Variants in ABCA13 observed in about 807,000 individuals in gnomAD.
ABCA13 encodes ATP-binding cassette sub-family A member 13.
ABCA13 carries 476 observed loss-of-function variants against 478.7 expected under a neutral mutation model. The observed-to-expected ratio is 0.99, with a 90% CI of 0.92 to 1.07. The LOEUF (loss-of-function observed/expected upper bound fraction) is 1.07, where lower values mean the gene tolerates loss of function less well. Among genes scored for constraint, ABCA13 ranks in the 50% least tolerant of loss-of-function variants. The pLI, the probability that ABCA13 is intolerant of heterozygous loss-of-function variation, is 0.00. For synonymous variants in ABCA13, 2,252 were observed against 2,158.9 expected (o/e 1.04, Z -1.20); for missense variants, 6,060 against 5,910.6 (o/e 1.03, Z -0.83).
chr7:48,557,633 T>A (rs972000561), intron 55 of ABCA13, among the ~76,000 whole-genome samples: 1 of 152,208 alleles, frequency 6.6e-6, no homozygotes, highest in Admixed American at 6.5e-5. Flanking sequence ...CCTTTTTTTA[T>A]TCTTGACCTT....
chr7:48,172,896 C>T (rs187475089), intron 1 of ABCA13, among the ~76,000 whole-genome samples: 6 of 142,688 alleles, frequency 4.2e-5, no homozygotes, highest in Middle Eastern at 4.1e-3. Context: ...GTGTTCGTGT[C>T]TGTGTAGGTA....
intron 2 of ABCA13, among the ~76,000 whole-genome samples, chr7:48,197,959 T>C (rs1214220483): frequency 6.6e-6 from 1 of 152,152 alleles, no homozygotes; most frequent in Non-Finnish European, 1.5e-5. Context: ...TTATTTCCAC[T>C]CAGTGAATGG....
chr7:48,214,616 T>A (rs1211112624), intron 3 of ABCA13, among the ~76,000 whole-genome samples: 1 of 152,214 alleles, frequency 6.6e-6, no homozygotes, highest in African/African-American at 2.4e-5. Flanking sequence ...ATATCAATGC[T>A]TACATCTTCA....
intron 27 of ABCA13, among the ~76,000 whole-genome samples, chr7:48,321,244 C>T (rs143109903): frequency 2.6e-5 from 4 of 152,272 alleles, no homozygotes; most frequent in Non-Finnish European, 5.9e-5. Flanking sequence ...ACAGGAAAGC[C>T]CCCACCCCCA....
intron 15 of ABCA13, among the ~76,000 whole-genome samples, chr7:48,251,659 A>G (rs767097011): frequency 3.0e-4 from 45 of 151,990 alleles, no homozygotes; most frequent in Non-Finnish European, 5.9e-4. Flanking sequence ...AAATATTTTT[A>G]CTAAATATGT....
chr7:48,609,254 C>T (rs1181411348), intron 58 of ABCA13, among the ~76,000 whole-genome samples: 4 of 152,106 alleles, frequency 2.6e-5, no homozygotes, highest in Non-Finnish European at 5.9e-5. Flanking sequence ...AGAAAGACTG[C>T]ATATCATTGC....
chr7:48,310,467 G>C (rs1372479826), intron 24 of ABCA13, among the ~76,000 whole-genome samples: 1 of 152,152 alleles, frequency 6.6e-6, no homozygotes, highest in Non-Finnish European at 1.5e-5. Context: ...CCTAATGCCA[G>C]GTGTTCTCTC....
At chr7:48,459,826 A>C (rs780207377) in intron 43 of ABCA13, among the ~76,000 whole-genome samples, 9 of 152,236 alleles carry the variant, frequency 5.9e-5, no homozygotes, top group Non-Finnish European at 1.3e-4. Context: ...AATGGAGCAT[A>C]GAAAGACAGC....
intron 43 of ABCA13, among the ~76,000 whole-genome samples, 189 bp downstream of exon 43, chr7:48,455,475 C>A (rs1357157588): frequency 6.6e-6 from 1 of 152,166 alleles, no homozygotes; most frequent in Admixed American, 6.5e-5. Context: ...TCAGGGCAGG[C>A]GCTTAAGGCT....
At chr7:48,419,670 T>A (rs111957394) in intron 41 of ABCA13, among the ~76,000 whole-genome samples, 16 of 152,354 alleles carry the variant, frequency 1.1e-4, no homozygotes, top group African/African-American at 3.8e-4. Flanking sequence ...ACTTTGGAGA[T>A]GTAGTACATG....
At chr7:48,394,575 CT>C (rs1816566255) in intron 38 of ABCA13, among the ~76,000 whole-genome samples, 1 of 152,202 alleles carries the variant, frequency 6.6e-6, no homozygotes, top group Non-Finnish European at 1.5e-5. Flanking sequence ...TATTAGTCTT[CT>C]GTTTCTTTCC....
At chr7:48,410,723 T>C in intron 40 of ABCA13, 46 bp downstream of exon 40, 1 of 1,577,438 alleles carries the variant, frequency 6.3e-7, no homozygotes. Flanking sequence ...CATTTCTGTC[T>C]GTGGCATAAG....
chr7:48,201,634 A>G (rs1798737215), intron 3 of ABCA13, among the ~76,000 whole-genome samples: 1 of 152,190 alleles, frequency 6.6e-6, no homozygotes, highest in Non-Finnish European at 1.5e-5. Flanking sequence ...GCAGGAGAAG[A>G]GCTTGAACCG....
intron 56 of ABCA13, among the ~76,000 whole-genome samples, chr7:48,581,284 G>A (rs573771701): frequency 6.6e-6 from 1 of 152,254 alleles, no homozygotes; most frequent in African/African-American, 2.4e-5. Context: ...TTCATTCTCT[G>A]TTCTGTTTTT....
intron 43 of ABCA13, 28 bp from the exon 44 acceptor site, chr7:48,466,928 G>C: frequency 6.2e-7 from 1 of 1,611,590 alleles, no homozygotes; most frequent in East Asian, 2.2e-5. Context: ...ATCCCACTTT[G>C]TTTCCTTTGT....
intron 59 of ABCA13, among the ~76,000 whole-genome samples, chr7:48,640,337 C>T (rs1795016198): frequency 6.6e-6 from 1 of 152,140 alleles, no homozygotes; most frequent in Non-Finnish European, 1.5e-5. Flanking sequence ...TGCATTGCCA[C>T]CTCTTTTGTT....
At chr7:48,371,424 T>TAG (rs1812614943) in intron 32 of ABCA13, among the ~76,000 whole-genome samples, 1 of 152,200 alleles carries the variant, frequency 6.6e-6, no homozygotes, top group Non-Finnish European at 1.5e-5. Context: ...CATGGAATGT[T>TAG]TTTCTATTTG....
In ABCA13 at chr7:48,594,766, A is replaced by G. The variant is rs1371628326; in HGVS notation, c.14697A>G (p.Ile4899Met). The change falls in exon 58 of 62, where the codon ATA becomes ATG. Residue 4899 changes from isoleucine (I) to methionine (M), a missense_variant. By Grantham distance (10) the Ile-to-Met change is conservative. Coordinates refer to ENST00000435803, the MANE Select transcript of ABCA13 (RefSeq NM_152701.5). ...CTAAGCGGTACCTGTGGCAAACAAT[A>G]ATGAAGGAGGTTCGGGAAGGCTGTG... is the stretch of plus-strand genomic sequence containing the variant. ...PCSKRYLWQT[I>M]MKEVREGCAA... 1.2e-6 allele frequency: 2 copies of G among 1,613,828 alleles called. No individual in the cohort carries two copies. Among genetic ancestry groups the G allele is most frequent in the Non-Finnish European group, 8.5e-7 (1 of 1,179,860 alleles).
At position 48,239,230 on chromosome 7, in the gene ABCA13, A is replaced by G; in HGVS notation, c.898-11A>G. ...GCTTTATGTCTAAATATTTTTTCAT[A>G]TTGTTGTCAGATTCCCACAGACACT... On this transcript the variant is annotated splice_polypyrimidine_tract_variant and intron_variant, in intron 8 of 61. Coordinates refer to ENST00000435803, the MANE Select transcript of ABCA13 (RefSeq NM_152701.5). 2 of 1,613,394 alleles carry G rather than the reference A, an allele frequency of 1.2e-6. No individual in the cohort carries two copies. The highest frequency in any genetic ancestry group is 3.3e-4 in the Middle Eastern group (2 of 6,062).
Sources: gnomAD v4.1 joint callset for allele counts (sites outside exome capture counted in the v4.1 genomes callset) on GRCh38, gnomAD v4.1.1 for gene constraint, MANE v1.5 for transcripts, NCBI Gene and HGNC (gene_info 2026-07-23, HGNC 2026-07-21) for gene names.